Variants in CDC73 observed in about 807,000 individuals in gnomAD.
CDC73 encodes cell division cycle 73, also known as parafibromin.
CDC73 carries 21 observed loss-of-function variants against 83.7 expected under a neutral mutation model. The ratio of observed to expected loss-of-function variants is 0.25; its 90% CI spans 0.18 to 0.36. The LOEUF is 0.36. Among genes scored for constraint, CDC73 ranks in the 10% least tolerant of loss-of-function variants. The pLI is 1.00. For missense variants in CDC73, 342 were observed against 653.3 expected, an observed-to-expected ratio of 0.52 and a Z score of 5.19; for synonymous variants, 224 against 212.9, an observed-to-expected ratio of 1.05 and a Z score of -0.45.
At position 193,252,794 on chromosome 1, in the gene CDC73, C is replaced by T. The variant is rs1678065509; in HGVS notation, c.*2082C>T. ...GCCACTCCCATTTATTCTCCCATGACATGGTCCTATATAGCAGTACTTAAC... is the reference window on the plus strand; with the variant it reads ...GCCACTCCCATTTATTCTCCCATGATATGGTCCTATATAGCAGTACTTAAC... On this transcript the variant is annotated 3_prime_UTR_variant, in exon 17 of 17. Transcript: ENST00000367435. 1 of 231,900 alleles carries T rather than the reference C, an allele frequency of 4.3e-6. No homozygotes were observed. Among genetic ancestry groups the T allele is most frequent in the East Asian group, 6.1e-5 (1 of 16,380 alleles). The allele number at this position is 231,900 out of a possible 1,614,324, so 14.4% of individuals were successfully genotyped here. A position where few individuals can be genotyped will look rare whatever the true frequency, so the allele number is the denominator to read the frequency against.
chr1:193,222,484 A>AT (rs1677489443), intron 13 of CDC73, among the ~76,000 whole-genome samples: 1 of 152,042 alleles, frequency 6.6e-6, no homozygotes, highest in Non-Finnish European at 1.5e-5. Context: ...ATGGGAGTTT[A>AT]TTTTTTTCCC....
At chr1:193,249,676 TTC>T in intron 15 of CDC73, 52 bp from the exon 16 acceptor site, 3 of 1,442,036 alleles carry the variant, frequency 2.1e-6, no homozygotes, top group Non-Finnish European at 2.9e-6. Flanking sequence ...AGAAATTTTT[TTC>T]TTTTTTTTTA....
At chr1:193,199,133 A>G (rs1291588853) in intron 10 of CDC73, among the ~76,000 whole-genome samples, 1 of 152,232 alleles carries the variant, frequency 6.6e-6, no homozygotes, top group African/African-American at 2.4e-5. Flanking sequence ...TCAAGGTTAT[A>G]AGAAGTCTTA....
At chr1:193,249,688 A>C (rs199546888) in intron 15 of CDC73, 42 bp from the exon 16 acceptor site, 14 of 1,522,456 alleles carry the variant, frequency 9.2e-6, no homozygotes, top group African/African-American at 2.8e-5. Context: ...CTTTTTTTTT[A>C]TTTTGAGTAA....
intron 10 of CDC73, among the ~76,000 whole-genome samples, chr1:193,194,495 C>T (rs1197950773): frequency 6.6e-6 from 1 of 152,168 alleles, no homozygotes; most frequent in East Asian, 1.9e-4. Context: ...TGTGTACCAT[C>T]TACCTTATCC....
intron 7 of CDC73, among the ~76,000 whole-genome samples, chr1:193,144,291 T>C (rs1675956964): frequency 6.6e-6 from 1 of 151,852 alleles, no homozygotes; most frequent in African/African-American, 2.4e-5. Context: ...TTATATAAAT[T>C]AGTATATGTT....
rs1678036419 is a variant in CDC73, at chr1:193,251,080, T to C, written c.*368T>C. 1.7e-5 allele frequency: 5 copies of C among 291,558 alleles called. No individual in the cohort carries two copies. The South Asian group carries it at 3.9e-4, about 23-fold the overall frequency. The allele number at this position is 291,558 out of a possible 1,614,324, so 18.1% of individuals were successfully genotyped here. On this transcript the variant is annotated 3_prime_UTR_variant, in exon 17 of 17. Coordinates refer to ENST00000367435, the MANE Select transcript of CDC73 (RefSeq NM_024529.5). ...GATTTTTCATTGCTCTATAATTCTTTTTACTGAAAATACTATGTTATGAAT... is the reference window on the plus strand; with the variant it reads ...GATTTTTCATTGCTCTATAATTCTTCTTACTGAAAATACTATGTTATGAAT...
Position 193,225,245 on chromosome 1 carries a change from G to GATATATATATAT in CDC73, c.1155-7731_1155-7720dup, listed in dbSNP as rs56261261. Among the ~76,000 whole-genome samples the GATATATATATAT allele has an allele frequency of 1.5e-3, 216 of 143,590 alleles. 1 individual carries two copies. Among genetic ancestry groups the GATATATATATAT allele is most frequent in the Middle Eastern group, 3.6e-3 (1 of 278 alleles). The allele number at this position is 143,590 out of a possible 152,430, so 94.2% of individuals were successfully genotyped here. On this transcript the variant is annotated intron_variant, in intron 13 of 16. Transcript: ENST00000367435. ...CTTTTATGGCTGAGTAGTATTCCATGATATATATATATATATATATATATA... is the reference window on the plus strand; with the variant it reads ...CTTTTATGGCTGAGTAGTATTCCATGATATATATATATATATATATATATATATATATATATA...
At chr1:193,181,195 T>C (rs1461673943) in intron 10 of CDC73, 1 of 1,613,938 alleles carries the variant, frequency 6.2e-7, no homozygotes, top group East Asian at 2.2e-5. Flanking sequence ...TTTTTCATTG[T>C]AAATACTTCC....
intron 10 of CDC73, among the ~76,000 whole-genome samples, chr1:193,184,374 C>G (rs1480085042): frequency 1.3e-5 from 2 of 151,820 alleles, no homozygotes; most frequent in African/African-American, 4.8e-5. Context: ...TATTTTAATT[C>G]TTAAAAAGAG....
At chr1:193,176,418 T>A (rs900141030) in intron 10 of CDC73, among the ~76,000 whole-genome samples, 1 of 152,198 alleles carries the variant, frequency 6.6e-6, no homozygotes, top group Non-Finnish European at 1.5e-5. Context: ...TTAGGAGAAG[T>A]TGTCCTTGGA....
At position 193,215,040 on chromosome 1, in the gene CDC73, G is replaced by GA. The variant is rs568935739; in HGVS notation, c.1154+2566dup. Among the ~76,000 whole-genome samples the GA allele has an allele frequency of 2.0e-3, 312 of 152,302 alleles. 2 individuals are homozygous for GA. The highest frequency in any genetic ancestry group is 3.5e-3 in the Non-Finnish European group (239 of 68,018). Reference sequence around the variant, plus strand: ...GTTTGTCACTAGTTGCAGCTGCTGAGAAATGTGTTTAGCACTTGGTGTAAA... The same window carrying GA: ...GTTTGTCACTAGTTGCAGCTGCTGAGAAAATGTGTTTAGCACTTGGTGTAAA... On this transcript the variant is annotated intron_variant, in intron 13 of 16. Transcript: ENST00000367435.
chr1:193,177,358 C>CAAAAAAAAAAAAAAAA (rs10672869), intron 10 of CDC73, among the ~76,000 whole-genome samples: 25 of 69,492 alleles, frequency 3.6e-4, no homozygotes, highest in African/African-American at 4.0e-4. Context: ...ACTAAAAATA[C>CAAAAAAAAAAAAAAAA]AAAAAAAAAA....
intron 7 of CDC73, among the ~76,000 whole-genome samples, chr1:193,145,912 A>T (rs1487342224): frequency 6.6e-6 from 1 of 152,202 alleles, no homozygotes; most frequent in Admixed American, 6.5e-5. Context: ...CAGAAGTTAT[A>T]CTCTTCAGCA....
At chr1:193,174,568 G>T (rs1363597303) in intron 10 of CDC73, among the ~76,000 whole-genome samples, 1 of 152,076 alleles carries the variant, frequency 6.6e-6, no homozygotes, top group Non-Finnish European at 1.5e-5. Context: ...CATTATTACT[G>T]TTAATGATGC....
chr1:193,187,367 G>T (rs1676832762), intron 10 of CDC73, among the ~76,000 whole-genome samples: 1 of 152,032 alleles, frequency 6.6e-6, no homozygotes, highest in Admixed American at 6.5e-5. Flanking sequence ...GGGGTAATGA[G>T]ATTTTACTAA....
chr1:193,128,729 A>G (rs1249410169), intron 2 of CDC73, among the ~76,000 whole-genome samples: 3 of 152,222 alleles, frequency 2.0e-5, no homozygotes, highest in Admixed American at 1.3e-4. Context: ...GTGATTAAAT[A>G]CAGTTTATCT....
intron 13 of CDC73, among the ~76,000 whole-genome samples, chr1:193,216,216 CA>C (rs1166804966): frequency 1.3e-5 from 2 of 152,008 alleles, no homozygotes; most frequent in Non-Finnish European, 1.5e-5. Flanking sequence ...TAGAGAAAAA[CA>C]GAGAAAAGAT....
At chr1:193,220,148 CAAT>C (rs1049980324) in intron 13 of CDC73, among the ~76,000 whole-genome samples, 15 of 136,480 alleles carry the variant, frequency 1.1e-4, no homozygotes, top group Non-Finnish European at 2.2e-4. Context: ...AGTAAAGTAA[CAAT>C]GATAACTTTT....
Sources: gnomAD v4.1 joint callset for allele counts (sites outside exome capture counted in the v4.1 genomes callset) on GRCh38, gnomAD v4.1.1 for gene constraint, MANE v1.5 for transcripts, NCBI Gene and HGNC (gene_info 2026-07-23, HGNC 2026-07-21) for gene names.